Variants in ITGB3BP observed in about 807,000 individuals in gnomAD.
The protein encoded by ITGB3BP is integrin subunit beta 3 binding protein, also known as centromere protein R.
In ITGB3BP, 27 loss-of-function variants were observed where a neutral mutation model predicts 29.1. That is an observed-to-expected ratio of 0.93 (90% CI 0.68 to 1.28). The LOEUF (loss-of-function observed/expected upper bound fraction) is 1.28. Among genes scored for constraint, ITGB3BP ranks in the 50% most tolerant of loss-of-function variants. The probability of loss-of-function intolerance (pLI) is 0.00; values close to 1 mark genes in which losing one functional copy is unlikely to be tolerated. For missense variants in ITGB3BP, 192 were observed against 200.2 expected, an observed-to-expected ratio of 0.96 and a Z score of 0.25; for synonymous variants, 61 against 61.4, an observed-to-expected ratio of 0.99 and a Z score of 0.03.
At chr1:63,522,591 T>C (rs1646479022) in intron 1 of ITGB3BP, among the ~76,000 whole-genome samples, 1 of 152,196 alleles carries the variant, frequency 6.6e-6, no homozygotes, top group Admixed American at 6.5e-5. Flanking sequence ...AATCAGATTA[T>C]TGGTCATAGA....
At chr1:63,464,355 T>G (rs1462535288) in intron 4 of ITGB3BP, among the ~76,000 whole-genome samples, 1 of 152,224 alleles carries the variant, frequency 6.6e-6, no homozygotes, top group Non-Finnish European at 1.5e-5. Context: ...ATGGGAATTC[T>G]GCAAGTATTT....
intron 2 of ITGB3BP, among the ~76,000 whole-genome samples, chr1:63,502,534 T>C (rs1645959593): frequency 3.3e-5 from 5 of 149,354 alleles, no homozygotes; most frequent in Admixed American, 2.7e-4. Context: ...TTTTTAATAC[T>C]TTAAGTTTTA....
chr1:63,462,094 A>G (rs1557615590), intron 4 of ITGB3BP, among the ~76,000 whole-genome samples: 1 of 152,202 alleles, frequency 6.6e-6, no homozygotes, highest in Non-Finnish European at 1.5e-5. Context: ...ACAATATTAA[A>G]TCTTCTTGCC....
At chr1:63,452,464 A>G (rs962054384) in intron 7 of ITGB3BP, among the ~76,000 whole-genome samples, 4 of 152,182 alleles carry the variant, frequency 2.6e-5, no homozygotes, top group African/African-American at 4.8e-5. Flanking sequence ...GATTGAAACC[A>G]CTGAAACCCA....
At chr1:63,481,324 G>GT (rs569394012) in intron 3 of ITGB3BP, among the ~76,000 whole-genome samples, 186 of 152,174 alleles carry the variant, frequency 1.2e-3, no homozygotes, top group Middle Eastern at 6.8e-3. Flanking sequence ...AATATGAAGA[G>GT]TTTTAATATT....
At chr1:63,528,234 G>C (rs10889428) in intron 2 of ITGB3BP, among the ~76,000 whole-genome samples, 2,970 of 152,232 alleles carry the variant, frequency 0.02, 91 homozygotes, top group African/African-American at 0.068. Flanking sequence ...ACACAGTGGA[G>C]TACCATTCAG....
intron 4 of ITGB3BP, among the ~76,000 whole-genome samples, chr1:63,472,627 C>T (rs1429508543): frequency 9.3e-5 from 14 of 151,184 alleles, no homozygotes; most frequent in African/African-American, 3.4e-4. Context: ...CGCGCCGCCA[C>T]GCCTGATTGG....
intron 4 of ITGB3BP, chr1:63,457,021 GTATCCA>G (rs1644944661): frequency 6.6e-6 from 1 of 152,168 alleles, no homozygotes; most frequent in Non-Finnish European, 1.5e-5. Context: ...AAGGACACTT[GTATCCA>G]TTGCAGGATC....
chr1:63,495,082 C>T (rs1041691535), intron 2 of ITGB3BP, among the ~76,000 whole-genome samples: 28 of 152,200 alleles, frequency 1.8e-4, no homozygotes, highest in African/African-American at 6.8e-4. Context: ...GCTGGGATTA[C>T]AGCCAGAAGC....
intron 1 of ITGB3BP, among the ~76,000 whole-genome samples, chr1:63,512,339 C>T (rs1646217709): frequency 6.6e-6 from 1 of 151,782 alleles, no homozygotes; most frequent in Non-Finnish European, 1.5e-5. Flanking sequence ...ACAGAAAAAG[C>T]AGATGAGTTT....
chr1:63,514,888 G>A (rs1389447850), intron 1 of ITGB3BP, among the ~76,000 whole-genome samples: 1 of 146,864 alleles, frequency 6.8e-6, no homozygotes, highest in African/African-American at 2.5e-5. Context: ...GGAGGTTGCA[G>A]TGAGCCAAGA....
rs575986247 is a variant in ITGB3BP at position 63,475,177 on chromosome 1, A to G, written c.254+3587T>C. On this transcript the variant is annotated intron_variant, in intron 4 of 8. Transcript: ENST00000271002. ...AATTTTGTAGAGACAGGGTCTGGCC[A>G]TGTTGCCCAGGCCGGTCTCAAACTC... is the stretch of plus-strand genomic sequence containing the variant. Among the ~76,000 whole-genome samples, 13 of 152,122 alleles carry G rather than the reference A, an allele frequency of 8.5e-5. No individual in the cohort carries two copies. In the East Asian group the frequency reaches 2.5e-3, roughly 30 times the overall value.
Position 63,493,088 on chromosome 1 carries a change from A to ACG in ITGB3BP, c.49-2872_49-2871dup, listed in dbSNP as rs66981141. Among the ~76,000 whole-genome samples the ACG allele has an allele frequency of 5.2e-4, 78 of 148,844 alleles. 1 individual carries two copies. Among genetic ancestry groups the ACG allele is most frequent in the African/African-American group, 1.7e-3 (66 of 39,428 alleles). On this transcript the variant is annotated intron_variant, in intron 2 of 8. Transcript: ENST00000271002. ...GATCACACCACACACACACACACAC[A>ACG]CGCGCGCGCGCGCAAGAAAATAGAT...
intron 4 of ITGB3BP, among the ~76,000 whole-genome samples, chr1:63,462,800 C>T (rs1057234432): frequency 4.6e-5 from 7 of 152,142 alleles, no homozygotes; most frequent in East Asian, 1.9e-4. Flanking sequence ...AAATTGCATA[C>T]ATAATGCAAA....
intron 4 of ITGB3BP, among the ~76,000 whole-genome samples, chr1:63,473,886 T>A: frequency 5.0e-5 from 1 of 20,048 alleles, no homozygotes; most frequent in African/African-American, 1.9e-4. Flanking sequence ...TGAGGACCCC[T>A]CTGCCCGGCC....
chr1:63,512,794 C>T (rs1646228969), intron 1 of ITGB3BP, among the ~76,000 whole-genome samples: 1 of 152,174 alleles, frequency 6.6e-6, no homozygotes, highest in East Asian at 1.9e-4. Context: ...CCAGCTACAA[C>T]TTCACAGGAG....
chr1:63,480,793 TC>T (rs887580050), intron 3 of ITGB3BP, among the ~76,000 whole-genome samples: 3 of 152,032 alleles, frequency 2.0e-5, no homozygotes, highest in Non-Finnish European at 2.9e-5. Flanking sequence ...ATCCTTAAGT[TC>T]CAAACAGAAT....
chr1:63,447,215 C>T (rs1644801159), intron 7 of ITGB3BP, among the ~76,000 whole-genome samples: 1 of 152,060 alleles, frequency 6.6e-6, no homozygotes, highest in South Asian at 2.1e-4. Flanking sequence ...AGTGTGTTCC[C>T]AATGCTAGAA....
chr1:63,503,377 A>G (rs1645988884), intron 2 of ITGB3BP, among the ~76,000 whole-genome samples: 1 of 151,686 alleles, frequency 6.6e-6, no homozygotes, highest in African/African-American at 2.4e-5. Context: ...TTTCTTGTAA[A>G]TTTGTTTGAG....
Sources: allele counts gnomAD v4.1 joint callset (sites outside exome capture counted in the v4.1 genomes callset), GRCh38; gene constraint gnomAD v4.1.1; transcripts MANE v1.5; gene names NCBI Gene and HGNC (gene_info 2026-07-23, HGNC 2026-07-21).